CYRIB: variants seen among roughly 807,000 people sequenced by gnomAD.
CYRIB encodes the protein CYFIP-related Rac1 interactor B.
Under a neutral mutation model 44.2 loss-of-function variants are expected in CYRIB, and 8 were observed. That is an observed-to-expected ratio of 0.18 (90% CI 0.11 to 0.33). The LOEUF (loss-of-function observed/expected upper bound fraction) is 0.33. CYRIB is among the 10% of genes least tolerant of loss of function. CYRIB has a pLI of 1.00. For synonymous variants in CYRIB, 131 were observed against 127.2 expected (o/e 1.03, Z -0.20); for missense variants, 185 against 382.8 (o/e 0.48, Z 4.31).
intron 1 of CYRIB, among the ~76,000 whole-genome samples, chr8:129,924,359 A>G (rs146830300): frequency 0.014 from 1,961 of 142,138 alleles, 57 homozygotes; most frequent in African/African-American, 0.048. Context: ...GGTCAGTGTC[A>G]ATAAGGGGTA....
intron 1 of CYRIB, among the ~76,000 whole-genome samples, chr8:129,913,294 A>T (rs2079026093): frequency 1.3e-5 from 2 of 152,330 alleles, no homozygotes; most frequent in East Asian, 3.9e-4. Context: ...AATCATGCCT[A>T]CATAAGCAGA....
chr8:129,881,556 T>C (rs1392076867), intron 2 of CYRIB, among the ~76,000 whole-genome samples: 5 of 152,206 alleles, frequency 3.3e-5, no homozygotes, highest in East Asian at 3.8e-4. Flanking sequence ...CATGAGGAAA[T>C]ACAAATAGCT....
At chr8:129,966,797 C>T (rs1291465490) in intron 2 of CYRIB, among the ~76,000 whole-genome samples, 1 of 152,102 alleles carries the variant, frequency 6.6e-6, no homozygotes, top group African/African-American at 2.4e-5. Context: ...TGGGTTCAAA[C>T]AATCCTCCCA....
intron 1 of CYRIB, among the ~76,000 whole-genome samples, chr8:129,926,159 G>C (rs1347856334): frequency 6.6e-6 from 1 of 152,058 alleles, no homozygotes; most frequent in Non-Finnish European, 1.5e-5. Flanking sequence ...TTCGTATTCT[G>C]TATTTTCTAA....
At chr8:129,949,955 A>G (rs1322742607) in intron 2 of CYRIB, among the ~76,000 whole-genome samples, 1 of 152,198 alleles carries the variant, frequency 6.6e-6, no homozygotes, top group African/African-American at 2.4e-5. Context: ...AGCACTGACT[A>G]CAATAATAGG....
chr8:129,848,435 T>C (rs1254719661), intron 10 of CYRIB, among the ~76,000 whole-genome samples: 1 of 152,150 alleles, frequency 6.6e-6, no homozygotes, highest in Non-Finnish European at 1.5e-5. Flanking sequence ...GTAGAGAAAT[T>C]AGAAAACTAT....
chr8:129,883,794 A>C (rs1038112536), intron 2 of CYRIB, among the ~76,000 whole-genome samples: 4 of 152,142 alleles, frequency 2.6e-5, no homozygotes, highest in Non-Finnish European at 5.9e-5. Context: ...CAGTTTTCTC[A>C]TGTGTAAAAG....
chr8:129,908,582 T>G (rs1339110542), intron 1 of CYRIB, among the ~76,000 whole-genome samples: 1 of 151,636 alleles, frequency 6.6e-6, no homozygotes, highest in Non-Finnish European at 1.5e-5. Context: ...ATGCTAGTTT[T>G]GCTGAACATG....
intron 2 of CYRIB, among the ~76,000 whole-genome samples, chr8:129,963,928 T>C (rs995975785): frequency 1.3e-5 from 2 of 152,228 alleles, no homozygotes; most frequent in Non-Finnish European, 2.9e-5. Flanking sequence ...TTCTTGTCCA[T>C]TTGTGTGCTG....
intron 4 of CYRIB, among the ~76,000 whole-genome samples, chr8:129,870,930 A>C (rs2056915028): frequency 6.6e-6 from 1 of 152,244 alleles, no homozygotes; most frequent in African/African-American, 2.4e-5. Context: ...GCAAGGACAC[A>C]GCTTCTTCTG....
intron 4 of CYRIB, among the ~76,000 whole-genome samples, chr8:129,868,428 G>T (rs1291071999): frequency 6.6e-6 from 1 of 152,128 alleles, no homozygotes; most frequent in Non-Finnish European, 1.5e-5. Flanking sequence ...CTGGTAAGAT[G>T]AATTACTTAC....
chr8:129,954,260 TC>T (rs34485083), intron 2 of CYRIB, among the ~76,000 whole-genome samples: 1 of 152,086 alleles, frequency 6.6e-6, no homozygotes, highest in South Asian at 2.1e-4. Flanking sequence ...TCTCGCTGTG[TC>T]CCCCAGGCTG....
At chr8:129,934,009 G>C (rs2092312880) in intron 1 of CYRIB, among the ~76,000 whole-genome samples, 1 of 152,072 alleles carries the variant, frequency 6.6e-6, no homozygotes, top group African/African-American at 2.4e-5. Context: ...ATGTATAAAA[G>C]TGTACTAGTA....
chr8:129,860,162 T>C (rs545604999), intron 5 of CYRIB, among the ~76,000 whole-genome samples: 6 of 152,210 alleles, frequency 3.9e-5, no homozygotes, highest in Non-Finnish European at 5.9e-5. Context: ...TGTGCTGGAA[T>C]AGCACCCATG....
chr8:129,918,277 C>A (rs1194381511), intron 1 of CYRIB, among the ~76,000 whole-genome samples: 1 of 152,108 alleles, frequency 6.6e-6, no homozygotes, highest in African/African-American at 2.4e-5. Context: ...AGAAAAGTGA[C>A]CAGATATGAT....
chr8:130,011,799 C>G (rs1197386631), intron 1 of CYRIB, among the ~76,000 whole-genome samples: 1 of 151,936 alleles, frequency 6.6e-6, no homozygotes, highest in Non-Finnish European at 1.5e-5. Context: ...CACCACTGCA[C>G]TCCAGCCTGG....
intron 1 of CYRIB, among the ~76,000 whole-genome samples, chr8:129,924,183 G>A (rs2085767122): frequency 6.7e-6 from 1 of 149,168 alleles, no homozygotes; most frequent in Non-Finnish European, 1.5e-5. Context: ...AGGCTGAGAT[G>A]GGAGGACTGC....
chr8:129,940,958 C>T (rs1448142652), upstream of CYRIB, among the ~76,000 whole-genome samples: 3 of 152,130 alleles, frequency 2.0e-5, no homozygotes, highest in Admixed American at 6.5e-5. Context: ...GCTAAGGTTC[C>T]GGTAACTATC....
chr8:130,003,261 A>T (rs2096950068), intron 1 of CYRIB, among the ~76,000 whole-genome samples: 2 of 152,208 alleles, frequency 1.3e-5, no homozygotes, highest in Admixed American at 1.3e-4. Context: ...TCTTTATGCA[A>T]CATTTTGTCC....
Sources: gnomAD v4.1 joint callset for allele counts (sites outside exome capture counted in the v4.1 genomes callset) on GRCh38, gnomAD v4.1.1 for gene constraint, MANE v1.5 for transcripts, NCBI Gene and HGNC (gene_info 2026-07-23, HGNC 2026-07-21) for gene names.